Variants in SNAP91 observed in about 807,000 individuals in gnomAD.
SNAP91 encodes the protein clathrin coat assembly protein AP180.
Under a neutral mutation model 100.3 loss-of-function variants are expected in SNAP91, and 27 were observed. The ratio of observed to expected loss-of-function variants is 0.27; its 90% confidence interval spans 0.20 to 0.37. The LOEUF (loss-of-function observed/expected upper bound fraction) is 0.37. Ranked by LOEUF, SNAP91 falls within the 10% of genes least tolerant of loss-of-function variation. The pLI, the probability that SNAP91 is intolerant of heterozygous loss-of-function variation, is 1.00. For synonymous variants in SNAP91, 404 were observed against 398.6 expected (o/e 1.01, Z -0.16); for missense variants, 986 against 1,123.7 (o/e 0.88, Z 1.75).
chr6:83,614,765 A>G (rs964371318), intron 11 of SNAP91, 92 bp downstream of exon 11: 5 of 949,696 alleles, frequency 5.3e-6, no homozygotes, highest in Non-Finnish European at 7.8e-6. Flanking sequence ...TCAGTTTTAA[A>G]TCTTCTAAAT....
At chr6:83,610,733 A>ATATATATG (rs2095983315) in intron 11 of SNAP91, 56 bp from the exon 12 acceptor site, 3 of 209,346 alleles carry the variant, frequency 1.4e-5, no homozygotes, top group Non-Finnish European at 1.7e-5. Context: ...ATATATATAT[A>ATATATATG]TATATATATA....
At chr6:83,593,415 T>C in intron 18 of SNAP91, 63 bp downstream of exon 18, 2 of 1,536,474 alleles carry the variant, frequency 1.3e-6, no homozygotes, top group Non-Finnish European at 1.8e-6. Flanking sequence ...ATGCAGTACA[T>C]CTCAAGGATC....
At chr6:83,582,770 C>T (rs2128132136) in intron 22 of SNAP91, among the ~76,000 whole-genome samples, 2 of 152,174 alleles carry the variant, frequency 1.3e-5, no homozygotes, top group South Asian at 4.1e-4. Flanking sequence ...AAATGCAAAA[C>T]AAATCATAAA....
chr6:83,703,277 A>C (rs1034030652), intron 2 of SNAP91, among the ~76,000 whole-genome samples: 1 of 151,950 alleles, frequency 6.6e-6, no homozygotes, highest in Non-Finnish European at 1.5e-5. Flanking sequence ...GTAATCTTTT[A>C]CACATTGTTC....
chr6:83,562,257 C>A (rs1789084663), intron 26 of SNAP91, among the ~76,000 whole-genome samples: 1 of 152,018 alleles, frequency 6.6e-6, no homozygotes, highest in African/African-American at 2.4e-5. Context: ...CGCGATATTC[C>A]TTATGACTGT....
intron 2 of SNAP91, among the ~76,000 whole-genome samples, chr6:83,667,220 A>G (rs181968593): frequency 9.5e-4 from 144 of 152,240 alleles, no homozygotes; most frequent in African/African-American, 3.4e-3. Flanking sequence ...TCACTGATAC[A>G]GTTTCAGAGT....
chr6:83,605,652 A>C (rs553134337), intron 14 of SNAP91, 33 bp downstream of exon 14: 1 of 1,549,796 alleles, frequency 6.5e-7, no homozygotes. Flanking sequence ...TAAAATGAAT[A>C]GAGAAATGGC....
chr6:83,684,967 A>C (rs2099041372), intron 2 of SNAP91, among the ~76,000 whole-genome samples: 1 of 152,192 alleles, frequency 6.6e-6, no homozygotes, highest in Admixed American at 6.5e-5. Context: ...CAAGTAGCAA[A>C]AAAGGGAGGA....
chr6:83,601,931 T>G (rs537279554), intron 14 of SNAP91, among the ~76,000 whole-genome samples: 2 of 152,328 alleles, frequency 1.3e-5, no homozygotes, highest in African/African-American at 4.8e-5. Flanking sequence ...TAATATTGAT[T>G]AGCTTTCAAA....
intron 26 of SNAP91, among the ~76,000 whole-genome samples, chr6:83,569,110 T>G (rs1487294539): frequency 6.6e-6 from 1 of 152,136 alleles, no homozygotes; most frequent in Non-Finnish European, 1.5e-5. Context: ...AGAATATAGA[T>G]AAAACTAAGA....
intron 26 of SNAP91, among the ~76,000 whole-genome samples, chr6:83,569,329 A>C (rs2128000455): frequency 6.6e-6 from 1 of 152,306 alleles, no homozygotes; most frequent in Admixed American, 6.5e-5. Context: ...CCAATAATTA[A>C]AATTTTTCTG....
At chr6:83,680,917 T>A (rs190478589) in intron 2 of SNAP91, among the ~76,000 whole-genome samples, 2 of 152,246 alleles carry the variant, frequency 1.3e-5, no homozygotes, top group East Asian at 3.9e-4. Context: ...CCGGGGAAAC[T>A]GTCCCAGCTT....
At chr6:83,571,430 G>A (rs931075439) in intron 26 of SNAP91, among the ~76,000 whole-genome samples, 2 of 152,148 alleles carry the variant, frequency 1.3e-5, no homozygotes, top group Non-Finnish European at 2.9e-5. Flanking sequence ...CATCATGTGT[G>A]ACCTGGATAT....
chr6:83,634,659 T>C (rs2097357288), intron 8 of SNAP91, among the ~76,000 whole-genome samples: 1 of 152,230 alleles, frequency 6.6e-6, no homozygotes, highest in Non-Finnish European at 1.5e-5. Context: ...GCTCTGACTT[T>C]GGCTATTTGT....
chr6:83,697,404 C>A (rs2099232595), intron 2 of SNAP91, among the ~76,000 whole-genome samples: 1 of 149,360 alleles, frequency 6.7e-6, no homozygotes, highest in Non-Finnish European at 1.5e-5. Flanking sequence ...TAATACTTAA[C>A]CATCTAATAT....
intron 26 of SNAP91, among the ~76,000 whole-genome samples, chr6:83,572,311 A>G (rs1435021478): frequency 6.6e-6 from 1 of 152,030 alleles, no homozygotes; most frequent in Non-Finnish European, 1.5e-5. Flanking sequence ...TAGTAGCACA[A>G]TCTCGGCTCA....
At chr6:83,628,305 C>T (rs1321666810) in intron 8 of SNAP91, among the ~76,000 whole-genome samples, 1 of 148,218 alleles carries the variant, frequency 6.7e-6, no homozygotes, top group Non-Finnish European at 1.5e-5. Context: ...CACGATTTTG[C>T]AATTGTGAAT....
At chr6:83,635,794 T>G (rs1215073052) in intron 8 of SNAP91, among the ~76,000 whole-genome samples, 1 of 152,194 alleles carries the variant, frequency 6.6e-6, no homozygotes, top group Non-Finnish European at 1.5e-5. Flanking sequence ...TTATATGTGT[T>G]TCTGTGGTAG....
At chr6:83,701,718 G>C (rs1255869717) in intron 2 of SNAP91, among the ~76,000 whole-genome samples, 1 of 152,182 alleles carries the variant, frequency 6.6e-6, no homozygotes, top group African/African-American at 2.4e-5. Context: ...AAAGTGCTGG[G>C]ATTACAGGCG....
Sources: gnomAD v4.1 joint callset for allele counts (sites outside exome capture counted in the v4.1 genomes callset) on GRCh38, gnomAD v4.1.1 for gene constraint, MANE v1.5 for transcripts, NCBI Gene and HGNC (gene_info 2026-07-23, HGNC 2026-07-21) for gene names.